The following SEMA4A variants were observed in gnomAD, a reference collection of about 807,000 sequenced individuals.
SEMA4A encodes semaphorin 4A, also known as semaphorin-4A.
A neutral mutation model predicts 72.5 loss-of-function variants in SEMA4A; 52 were observed. That is an observed-to-expected ratio of 0.72 (90% CI 0.57 to 0.90). The LOEUF is 0.90. SEMA4A is among the 40% of genes least tolerant of loss of function. SEMA4A has a pLI of 0.00. For synonymous variants in SEMA4A, 369 were observed against 393.1 expected, an observed-to-expected ratio of 0.94 and a Z score of 0.73; for missense variants, 926 against 959.7, an observed-to-expected ratio of 0.96 and a Z score of 0.46.
At chr1:156,149,417 C>A (rs554766269), upstream of SEMA4A, among the ~76,000 whole-genome samples, 3 of 152,236 alleles carry the variant, frequency 2.0e-5, no homozygotes, top group African/African-American at 7.2e-5. Flanking sequence ...TCTGGGGGAG[C>A]CACCTTCTTC....
rs879253618 is a variant in SEMA4A, at chr1:156,162,813, A to T, written c.984-131A>T. ...CCTTATCAACACAGTGAGGGGAAGG[A>T]GTGGTAGCTGGAGGCTGGCCCAGCT... On this transcript the variant is annotated intron_variant, in intron 9 of 14. Coordinates refer to ENST00000368285, the MANE Select transcript of SEMA4A (RefSeq NM_022367.4). 3 of 1,080,490 alleles carry T rather than the reference A, an allele frequency of 2.8e-6. No homozygotes were observed. In the South Asian group the frequency reaches 3.9e-5, roughly 14 times the overall value. The allele number at this position is 1,080,490 out of a possible 1,614,324, so 66.9% of individuals were successfully genotyped here.
At chr1:156,150,850 T>C (rs1056564045), upstream of SEMA4A, among the ~76,000 whole-genome samples, 1 of 151,908 alleles carries the variant, frequency 6.6e-6, no homozygotes, top group African/African-American at 2.4e-5. Flanking sequence ...GGGCAGAGGG[T>C]GCACTCAGTG....
chr1:156,161,447 C>T lies in SEMA4A; in HGVS notation c.912C>T (p.Ile304=). ...TQPGQLPFNV[I]RHAVLLPADS... is the part of the protein sequence containing the mutation. ...CGGGGCAGCTGCCCTTCAACGTCAT[C>T]CGCCACGCGGTCCTGCTCCCCGCCG... Residue 304 remains isoleucine, a synonymous_variant, in exon 9 of 15, where the codon ATC becomes ATT. Coordinates refer to ENST00000368285, the MANE Select transcript of SEMA4A (RefSeq NM_022367.4). The T allele has an allele frequency of 1.2e-6, 2 of 1,614,028 alleles. No individual in the cohort carries two copies. The highest frequency in any genetic ancestry group is 1.7e-6 in the Non-Finnish European group (2 of 1,179,978).
At position 156,159,824 on chromosome 1, in the gene SEMA4A, G is replaced by A. The variant is rs184933924; in HGVS notation, c.569-619G>A. ...GCCTGTGATCCCAGCTACTTGGGAG[G>A]CTGAGGTGGGAGGATCGCTTGAGAT... On this transcript the variant is annotated intron_variant, in intron 6 of 14. Coordinates refer to ENST00000368285, the MANE Select transcript of SEMA4A (RefSeq NM_022367.4). Among the ~76,000 whole-genome samples the A allele has an allele frequency of 1.1e-3, 170 of 151,952 alleles. 1 individual carries two copies. The highest frequency in any genetic ancestry group is 4.5e-3 in the Admixed American group (69 of 15,260).
intron 6 of SEMA4A, 29 bp from the exon 7 acceptor site, chr1:156,160,414 G>T: frequency 6.4e-7 from 1 of 1,565,280 alleles, no homozygotes. Flanking sequence ...CACCCCATCA[G>T]TTCTCTCTTC....
chr1:156,158,686 C>T (rs1261366334), intron 5 of SEMA4A, 33 bp from the exon 6 acceptor site: 6 of 1,538,486 alleles, frequency 3.9e-6, no homozygotes, highest in East Asian at 2.2e-5. Context: ...GAGACCTTGG[C>T]GTTCTGGCCC....
In SEMA4A at chr1:156,154,389, C is replaced by T; in HGVS notation, c.-29-161C>T. 4.7e-6 allele frequency: 3 copies of T among 642,274 alleles called. No individual in the cohort carries two copies. The South Asian group carries it at 5.6e-5, about 12-fold the overall frequency. 39.8% of individuals were successfully genotyped at this position (642,274 alleles called of 1,614,324 possible). A position where few individuals can be genotyped will look rare whatever the true frequency, so the allele number is the denominator to read the frequency against. ...GCCTGGAAGGATGATGAAAGTGAGA[C>T]CGTCTTAGGGCCCTTCCAGATAGGG... On this transcript the variant is annotated intron_variant, in intron 1 of 14. Transcript: ENST00000368285.
Position 156,176,838 on chromosome 1 carries a change from ACTCCGGG to A in SEMA4A, c.2131_2137del (p.Arg711GlyfsTer18). 1 of 1,614,106 alleles carries A rather than the reference ACTCCGGG, an allele frequency of 6.2e-7. No individual in the cohort carries two copies. Among genetic ancestry groups the A allele is most frequent in the Non-Finnish European group, 8.5e-7 (1 of 1,179,996 alleles). On this transcript the variant is annotated frameshift_variant, in exon 15 of 15. Transcript: ENST00000368285. LOFTEE classifies it low-confidence loss of function (END_TRUNC). ...TCCTCGTGGCCTCCCCATTGAGAGC[ACTCCGGG>A]CTCGGGGCAAGGTTCAGGGCTGTGA...
At chr1:156,159,910 C>A (rs535423102) in intron 6 of SEMA4A, among the ~76,000 whole-genome samples, 3 of 139,692 alleles carry the variant, frequency 2.1e-5, no homozygotes, top group South Asian at 4.8e-4. Flanking sequence ...GTGAGCAAGA[C>A]CCTGTCTTGA....
In SEMA4A at chr1:156,158,710, C is replaced by T. The variant is rs1558148607; in HGVS notation, c.463-9C>T. 8.7e-6 allele frequency: 14 copies of T among 1,608,524 alleles called. No homozygotes were observed. Among genetic ancestry groups the T allele is most frequent in the Admixed American group, 1.7e-5 (1 of 60,004 alleles). On this transcript the variant is annotated splice_polypyrimidine_tract_variant and intron_variant, in intron 5 of 14. Coordinates refer to ENST00000368285, the MANE Select transcript of SEMA4A (RefSeq NM_022367.4). ...GCGTTCTGGCCCCCCAGCCTCTCTC[C>T]CCATTTAGGAACTTCAAGATTCCTA...
chr1:156,173,699 G>A (rs1399286206), intron 11 of SEMA4A, among the ~76,000 whole-genome samples: 1 of 152,144 alleles, frequency 6.6e-6, no homozygotes, highest in Non-Finnish European at 1.5e-5. Flanking sequence ...AGGAAGCCAA[G>A]GGAGCTCTTA....
chr1:156,160,480 G>A lies in SEMA4A; in HGVS notation c.606G>A (p.Leu202=). 1 of 1,613,952 alleles carries A rather than the reference G, an allele frequency of 6.2e-7. No individual in the cohort carries two copies. The highest frequency in any genetic ancestry group is 8.5e-7 in the Non-Finnish European group (1 of 1,179,952). The change falls in exon 7 of 15, where the codon CTG becomes CTA. Residue 202 remains leucine, a synonymous_variant. Coordinates refer to ENST00000368285, the MANE Select transcript of SEMA4A (RefSeq NM_022367.4). The stretch of plus-strand genomic sequence containing the variant: ...ATTCTGGTACTATGAACAACTTCCT[G>A]GGCAGTGAGCCCATCCTGATGCGCA... ...MLYSGTMNNF[L]GSEPILMRTL...
chr1:156,172,140 C>T (rs1051416811), intron 10 of SEMA4A, among the ~76,000 whole-genome samples: 6 of 149,490 alleles, frequency 4.0e-5, no homozygotes, highest in Admixed American at 3.4e-4. Flanking sequence ...TTATTTGAGA[C>T]GGAGTCTCTC....
rs1368633980 is a variant in SEMA4A, at chr1:156,157,043, T to C, written c.300+469T>C. 6.6e-6 allele frequency among the ~76,000 whole-genome samples: 1 copy of C among 152,160 alleles called. No homozygotes were observed. The highest frequency in any genetic ancestry group is 1.5e-5 in the Non-Finnish European group (1 of 68,014). The stretch of plus-strand genomic sequence containing the variant: ...CACCGCACCCGGCCTGTGACTTCAC[T>C]CTTCACTGGTATTGTGAATAGTGAT... On this transcript the variant is annotated intron_variant, in intron 3 of 14. Coordinates refer to ENST00000368285, the MANE Select transcript of SEMA4A (RefSeq NM_022367.4). The surrounding 1 kb of genome is among the most constrained non-coding windows in gnomAD (Gnocchi z 4.5).
chr1:156,148,559 C>A (rs1652275422), upstream of SEMA4A, among the ~76,000 whole-genome samples: 1 of 152,214 alleles, frequency 6.6e-6, no homozygotes, highest in Non-Finnish European at 1.5e-5. Context: ...CCAGCACACT[C>A]ATTTCCTTCC....
At position 156,157,987 on chromosome 1, in the gene SEMA4A, A is replaced by C; in HGVS notation, c.301-83A>C. The C allele has an allele frequency of 7.3e-7, 1 of 1,362,742 alleles. No homozygotes were observed. Among genetic ancestry groups the C allele is most frequent in the Non-Finnish European group, 1.0e-6 (1 of 961,426 alleles). The allele number at this position is 1,362,742 out of a possible 1,614,324, so 84.4% of individuals were successfully genotyped here. ...CCATGTCTGCTGGTTATTTCACATC[A>C]GAGCAGAGAAGGGAGGCAGGTCACA... On this transcript the variant is annotated intron_variant, in intron 3 of 14. Transcript: ENST00000368285. This position sits in a 1 kb window ranked among gnomAD's most constrained non-coding sequence, Gnocchi z 4.5.
intron 10 of SEMA4A, among the ~76,000 whole-genome samples, chr1:156,166,205 T>C (rs1654141989): frequency 1.3e-5 from 2 of 151,336 alleles, no homozygotes; most frequent in South Asian, 2.1e-4. Flanking sequence ...CTGTGCTCGG[T>C]CTTTTTTTGG....
upstream of SEMA4A, among the ~76,000 whole-genome samples, chr1:156,148,610 C>T (rs150438716): frequency 2.6e-5 from 4 of 152,252 alleles, no homozygotes; most frequent in East Asian, 7.7e-4. Context: ...CATGCTGCTC[C>T]CAGGCAGGTT....
chr1:156,167,003 T>C (rs7522766), intron 10 of SEMA4A, among the ~76,000 whole-genome samples: 63,051 of 151,428 alleles, frequency 0.42, 13,390 homozygotes, highest in African/African-American at 0.49. Context: ...TGGGCTCAAG[T>C]GATCCTCCTA....
Sources: allele counts gnomAD v4.1 joint callset (sites outside exome capture counted in the v4.1 genomes callset), GRCh38; gene constraint gnomAD v4.1.1; non-coding constraint Gnocchi (gnomAD v3.1); transcripts MANE v1.5; gene names NCBI Gene and HGNC (gene_info 2026-07-23, HGNC 2026-07-21).